The following EYS variants were observed in gnomAD, a reference collection of about 807,000 sequenced individuals.
EYS encodes the protein EGF-like photoreceptor maintenance factor.
Under a neutral mutation model 282.1 loss-of-function variants are expected in EYS, and 250 were observed. The ratio of observed to expected loss-of-function variants is 0.89; its 90% CI spans 0.80 to 0.98. The LOEUF (loss-of-function observed/expected upper bound fraction) is 0.98. Among genes scored for constraint, EYS ranks in the 50% least tolerant of loss-of-function variants. The pLI, the probability that EYS is intolerant of heterozygous loss-of-function variation, is 0.00. For missense variants in EYS, 4,016 were observed against 3,709.0 expected (o/e 1.08, Z -2.15); for synonymous variants, 1,355 against 1,282.9 (o/e 1.06, Z -1.20).
intron 33 of EYS, among the ~76,000 whole-genome samples, chr6:64,038,544 C>T (rs931799668): frequency 6.6e-6 from 1 of 151,852 alleles, no homozygotes; most frequent in African/African-American, 2.4e-5. Flanking sequence ...CTATCAAAAT[C>T]CAGTACTTCA....
At chr6:64,386,418 G>C (rs1389987214) in intron 29 of EYS, among the ~76,000 whole-genome samples, 1 of 152,168 alleles carries the variant, frequency 6.6e-6, no homozygotes, top group South Asian at 2.1e-4. Context: ...GAGAGCTTGT[G>C]CAGGGGAGCC....
At chr6:64,147,058 G>A (rs1227424884) in intron 31 of EYS, among the ~76,000 whole-genome samples, 1 of 152,026 alleles carries the variant, frequency 6.6e-6, no homozygotes. Context: ...CTTCCTTAGG[G>A]AGATCTTCTA....
Position 63,762,470 on chromosome 6 carries a change from A to G in EYS, c.8062T>C (p.Cys2688Arg). The change falls in exon 41 of 43, where the codon TGT becomes CGT. Residue 2688 changes from cysteine to arginine, a missense_variant. Physicochemically the swap from Cys to Arg is radical, Grantham distance 180 (BLOSUM62 -3). Transcript: ENST00000503581. ...TGAAATTCTGCCTCACCTTGTTCAC[A>G]GTAGATTCCAGTGGTTCCTAGAGGA... Reference protein sequence around the residue: ...FCPLGTTGIYCEQALSISDPS... With the variant: ...FCPLGTTGIYREQALSISDPS... 1 of 1,550,026 alleles carries G rather than the reference A, an allele frequency of 6.5e-7. No individual in the cohort carries two copies. The highest frequency in any genetic ancestry group is 8.7e-7 in the Non-Finnish European group (1 of 1,145,812).
In EYS at chr6:65,698,411, C is replaced by T. The variant is rs571904579; in HGVS notation, c.-448+8724G>A. On this transcript the variant is annotated intron_variant, in intron 1 of 42. Coordinates refer to ENST00000503581, the MANE Select transcript of EYS (RefSeq NM_001142800.2). ...GGTGGGTCCTATATAATTAATGCAT[C>T]GATTAAATATGAACTACAGGTTATA... 6.6e-5 allele frequency among the ~76,000 whole-genome samples: 10 copies of T among 151,992 alleles called. No homozygotes were observed. The South Asian group carries it at 8.3e-4, about 13-fold the overall frequency.
At chr6:64,996,582 G>A (rs1311537636) in intron 14 of EYS, among the ~76,000 whole-genome samples, 1 of 152,162 alleles carries the variant, frequency 6.6e-6, no homozygotes, top group Non-Finnish European at 1.5e-5. Flanking sequence ...CATGGACCAA[G>A]ACAAAGCAAC....
At chr6:65,271,152 A>ATATATATATATATATATATATATATATT in intron 12 of EYS, among the ~76,000 whole-genome samples, 1 of 138,698 alleles carries the variant, frequency 7.2e-6, no homozygotes, top group Non-Finnish European at 1.6e-5. Context: ...ATATATATAT[A>ATATATATATATATATATATATATATATT]TGAAGATTTA....
intron 29 of EYS, among the ~76,000 whole-genome samples, chr6:64,355,943 G>T (rs1251669065): frequency 6.6e-6 from 1 of 151,632 alleles, no homozygotes; most frequent in African/African-American, 2.4e-5. Context: ...ACTTTAAGAT[G>T]CCAGGCACTC....
intron 22 of EYS, among the ~76,000 whole-genome samples, chr6:64,809,193 C>T (rs576978548): frequency 3.3e-5 from 5 of 151,910 alleles, no homozygotes; most frequent in East Asian, 1.9e-4. Flanking sequence ...TCAATAAAGC[C>T]GGGATATAAA....
intron 31 of EYS, among the ~76,000 whole-genome samples, chr6:64,098,236 A>C (rs1471709484): frequency 6.6e-6 from 1 of 152,200 alleles, no homozygotes; most frequent in Non-Finnish European, 1.5e-5. Flanking sequence ...TATATTTTGT[A>C]CTATAAAATA....
At chr6:64,673,559 A>G (rs1769542668) in intron 22 of EYS, among the ~76,000 whole-genome samples, 1 of 152,132 alleles carries the variant, frequency 6.6e-6, no homozygotes, top group South Asian at 2.1e-4. Context: ...GCCTCTAACA[A>G]GGAAACACAT....
In EYS at chr6:63,952,885, C is replaced by T. The variant is rs551788562; in HGVS notation, c.7055+31498G>A. On this transcript the variant is annotated intron_variant, in intron 35 of 42. Transcript: ENST00000503581. Reference sequence around the variant, plus strand: ...CGCCAATATCCCATCCCACAGCATGCTTTAAAAGGATTAAAGCCCATTATC... The same window carrying T: ...CGCCAATATCCCATCCCACAGCATGTTTTAAAAGGATTAAAGCCCATTATC... 5.3e-5 allele frequency among the ~76,000 whole-genome samples: 8 copies of T among 152,254 alleles called. No individual in the cohort carries two copies. In the East Asian group the frequency reaches 1.2e-3, roughly 22 times the overall value.
chr6:64,531,594 TTTTA>T (rs1447465254), intron 26 of EYS, among the ~76,000 whole-genome samples: 1 of 149,652 alleles, frequency 6.7e-6, no homozygotes, highest in African/African-American at 2.5e-5. Flanking sequence ...TTTTATTTTA[TTTTA>T]TTTTTTGTAT....
intron 12 of EYS, among the ~76,000 whole-genome samples, chr6:65,214,043 C>T (rs1441535371): frequency 1.3e-5 from 2 of 151,392 alleles, no homozygotes; most frequent in African/African-American, 2.4e-5. Context: ...CCTGTAGTCC[C>T]AGCTACTCGG....
intron 16 of EYS, among the ~76,000 whole-genome samples, chr6:64,905,814 C>T (rs1048872107): frequency 4.6e-5 from 7 of 151,872 alleles, no homozygotes; most frequent in African/African-American, 1.7e-4. Flanking sequence ...TATATTTTAA[C>T]AATCTCCACT....
rs1774156620 is a variant in EYS, at chr6:64,136,201, A to T, written c.6425-54199T>A. On this transcript the variant is annotated intron_variant, in intron 31 of 42. Coordinates refer to ENST00000503581, the MANE Select transcript of EYS (RefSeq NM_001142800.2). ...CTTAAGGAACAACTTCGTATCCATT[A>T]AAGTATCATCATGAGATTATAGCAA... 4.0e-5 allele frequency among the ~76,000 whole-genome samples: 6 copies of T among 151,624 alleles called. No individual in the cohort carries two copies. The South Asian group carries it at 1.3e-3, about 32-fold the overall frequency.
At chr6:65,517,341 C>CAAAA (rs71002314) in intron 2 of EYS, among the ~76,000 whole-genome samples, 7 of 145,084 alleles carry the variant, frequency 4.8e-5, no homozygotes, top group Admixed American at 4.1e-4. Context: ...AAAACAACAA[C>CAAAA]AAAAAAAAAA....
chr6:64,899,282 C>T (rs2150070145), intron 18 of EYS, among the ~76,000 whole-genome samples: 1 of 152,212 alleles, frequency 6.6e-6, no homozygotes, highest in Non-Finnish European at 1.5e-5. Flanking sequence ...CAAACTAGAA[C>T]TCAGGATTAA....
chr6:63,752,372 A>G (rs1230176302), intron 41 of EYS, among the ~76,000 whole-genome samples: 1 of 147,758 alleles, frequency 6.8e-6, no homozygotes, highest in Non-Finnish European at 1.5e-5. Context: ...TAGTACTATG[A>G]ATATTATGCC....
At chr6:64,414,174 G>T (rs902549232) in intron 28 of EYS, among the ~76,000 whole-genome samples, 1 of 152,050 alleles carries the variant, frequency 6.6e-6, no homozygotes, top group African/African-American at 2.4e-5. Context: ...TAAAAATAGA[G>T]AAGAAACCTT....
Sources: gnomAD v4.1 joint callset for allele counts (sites outside exome capture counted in the v4.1 genomes callset) on GRCh38, gnomAD v4.1.1 for gene constraint, MANE v1.5 for transcripts, NCBI Gene and HGNC (gene_info 2026-07-23, HGNC 2026-07-21) for gene names.